Variants in KANSL1 observed in about 807,000 individuals in gnomAD.
KANSL1 encodes MLL1/MLL complex subunit KANSL1.
A neutral mutation model predicts 103.6 loss-of-function variants in KANSL1; 22 were observed. The observed-to-expected ratio is 0.21, with a 90% CI of 0.15 to 0.30. KANSL1 has a LOEUF of 0.30. Ranked by LOEUF, KANSL1 falls within the 10% of genes least tolerant of loss-of-function variation. The probability of loss-of-function intolerance (pLI) is 1.00; values close to 1 mark genes in which losing one functional copy is unlikely to be tolerated. For synonymous variants in KANSL1, 600 were observed against 527.6 expected, an observed-to-expected ratio of 1.14 and a Z score of -1.88; for missense variants, 1,337 against 1,399.8, an observed-to-expected ratio of 0.96 and a Z score of 0.72.
At chr17:46,154,310 C>T (rs1052889244) in intron 2 of KANSL1, among the ~76,000 whole-genome samples, 2 of 152,190 alleles carry the variant, frequency 1.3e-5, no homozygotes, top group Non-Finnish European at 2.9e-5. Flanking sequence ...GGAGGATATT[C>T]CCCCCTCAGG....
chr17:46,062,270 T>C (rs1033942191), intron 6 of KANSL1, among the ~76,000 whole-genome samples: 12 of 151,930 alleles, frequency 7.9e-5, no homozygotes, highest in African/African-American at 2.4e-4. Flanking sequence ...ATAGATCTCA[T>C]TTCTCTTTAT....
intron 7 of KANSL1, among the ~76,000 whole-genome samples, chr17:46,046,998 T>A (rs1022912010): frequency 1.5e-4 from 23 of 152,132 alleles, no homozygotes; most frequent in Admixed American, 2.0e-4. Flanking sequence ...CTCTGGAATC[T>A]GAAGCACAGA....
At chr17:46,126,779 C>T (rs1042407216) in intron 2 of KANSL1, among the ~76,000 whole-genome samples, 7 of 152,048 alleles carry the variant, frequency 4.6e-5, no homozygotes, top group Non-Finnish European at 8.8e-5. Flanking sequence ...TTTGATTACC[C>T]TAAAAACAAA....
At chr17:46,177,687 T>C (rs2046588343) in intron 1 of KANSL1, among the ~76,000 whole-genome samples, 1 of 152,242 alleles carries the variant, frequency 6.6e-6, no homozygotes, top group Admixed American at 6.5e-5. Context: ...TAAACATGTA[T>C]TACTTCTATA....
At chr17:46,170,802 C>G in intron 2 of KANSL1, 53 bp downstream of exon 2, 1 of 1,500,912 alleles carries the variant, frequency 6.7e-7, no homozygotes, top group East Asian at 2.3e-5. Flanking sequence ...TTCATTCATT[C>G]TTCCTTGTGC....
chr17:46,037,157 C>T (rs1398526424), intron 10 of KANSL1, among the ~76,000 whole-genome samples: 1 of 152,166 alleles, frequency 6.6e-6, no homozygotes, highest in African/African-American at 2.4e-5. Flanking sequence ...TAACATTCTC[C>T]AGACACAGAA....
intron 7 of KANSL1, among the ~76,000 whole-genome samples, chr17:46,049,229 C>G (rs1022310513): frequency 1.8e-4 from 27 of 148,946 alleles, no homozygotes; most frequent in Non-Finnish European, 3.4e-4. Context: ...GTTGTCCCCA[C>G]CATCCAAGAC....
At chr17:46,037,384 T>G (rs1175466906) in intron 10 of KANSL1, 1 of 152,240 alleles carries the variant, frequency 6.6e-6, no homozygotes, top group Admixed American at 6.5e-5. Flanking sequence ...AAGATTGATT[T>G]GTAACAGCAA....
chr17:46,034,065 C>G, intron 11 of KANSL1, 96 bp downstream of exon 11: 1 of 1,458,998 alleles, frequency 6.9e-7, no homozygotes, highest in African/African-American at 1.4e-5. Flanking sequence ...AAGACAGAAC[C>G]AAAGACTAGG....
At chr17:46,223,150 CAGG>C (rs1396960532) in intron 1 of KANSL1, 2 of 150,476 alleles carry the variant, frequency 1.3e-5, no homozygotes, top group East Asian at 3.9e-4. Flanking sequence ...TGGGGTGCAG[CAGG>C]AGGACTCTGA....
In KANSL1 at chr17:46,050,619, G is replaced by A; in HGVS notation, c.1934C>T (p.Pro645Leu). 6.2e-7 allele frequency: 1 copy of A among 1,614,196 alleles called. No homozygotes were observed. Among genetic ancestry groups the A allele is most frequent in the East Asian group, 2.2e-5 (1 of 44,880 alleles). ...LCGSGSINTM[P>L]PEIHYEAPLL... is the part of the protein sequence containing the mutation. ...AGGGGCTTCATAGTGAATTTCGGGA[G>A]GCATGGTGTTGATGCTGCCTGAACC... Residue 645 changes from proline (P) to leucine (L), a missense_variant, in exon 7 of 15, where the codon CCT becomes CTT. Pro to Leu is a moderately conservative substitution (Grantham distance 98). Transcript: ENST00000432791.
At chr17:46,076,647 TTG>T (rs1568420885) in intron 4 of KANSL1, among the ~76,000 whole-genome samples, 1 of 135,570 alleles carries the variant, frequency 7.4e-6, no homozygotes, top group Non-Finnish European at 1.7e-5. Context: ...CATTGAATCA[TTG>T]TGTCTAACAT....
intron 4 of KANSL1, among the ~76,000 whole-genome samples, chr17:46,070,260 A>T (rs2078527181): frequency 6.6e-6 from 1 of 152,194 alleles, no homozygotes; most frequent in Non-Finnish European, 1.5e-5. Context: ...CAAAATATTA[A>T]AAAGAATCAT....
intron 2 of KANSL1, among the ~76,000 whole-genome samples, chr17:46,145,486 T>C (rs1283945030): frequency 2.0e-5 from 3 of 152,258 alleles, no homozygotes; most frequent in Non-Finnish European, 2.9e-5. Context: ...AGAACAGTTA[T>C]CTTCCTGAAA....
At chr17:46,164,074 C>G (rs539020582) in intron 2 of KANSL1, among the ~76,000 whole-genome samples, 2 of 152,376 alleles carry the variant, frequency 1.3e-5, no homozygotes, top group African/African-American at 4.8e-5. Flanking sequence ...TCCCTTCACT[C>G]TTTAAACTTC....
intron 2 of KANSL1, among the ~76,000 whole-genome samples, chr17:46,110,501 G>T (rs1248320750): frequency 6.6e-6 from 1 of 152,166 alleles, no homozygotes; most frequent in Admixed American, 6.5e-5. Context: ...CCACTAACAA[G>T]CAGAGCCAAG....
intron 4 of KANSL1, among the ~76,000 whole-genome samples, chr17:46,074,714 T>C (rs1038396207): frequency 8.6e-5 from 13 of 151,554 alleles, no homozygotes; most frequent in African/African-American, 2.9e-4. Context: ...GCTGGAGTGG[T>C]GATTGCGACA....
chr17:46,094,759 G>C (rs916159511), intron 2 of KANSL1, 58 bp from the exon 3 acceptor site: 24 of 1,595,434 alleles, frequency 1.5e-5, no homozygotes, highest in Admixed American at 1.0e-4. Context: ...ATACCAGATT[G>C]GGGGGTGGGG....
At chr17:46,156,085 A>G (rs942513187) in intron 2 of KANSL1, among the ~76,000 whole-genome samples, 2 of 152,240 alleles carry the variant, frequency 1.3e-5, no homozygotes, top group African/African-American at 4.8e-5. Context: ...AGTGGCTCAC[A>G]CTTGTAATCC....
Sources: gnomAD v4.1 joint callset for allele counts (sites outside exome capture counted in the v4.1 genomes callset) on GRCh38, gnomAD v4.1.1 for gene constraint, MANE v1.5 for transcripts, NCBI Gene and HGNC (gene_info 2026-07-23, HGNC 2026-07-21) for gene names.